Variants in PLCH2 observed in about 807,000 individuals in gnomAD.
The protein encoded by PLCH2 is 1-phosphatidylinositol 4,5-bisphosphate phosphodiesterase eta-2.
PLCH2 carries 98 observed loss-of-function variants against 134.7 expected under a neutral mutation model. The ratio of observed to expected loss-of-function variants is 0.73; its 90% CI spans 0.62 to 0.86. The LOEUF (loss-of-function observed/expected upper bound fraction) is 0.86. Ranked by LOEUF, PLCH2 falls within the 40% of genes least tolerant of loss-of-function variation. The pLI is 0.00. For synonymous variants in PLCH2, 974 were observed against 827.5 expected (o/e 1.18, Z -3.04); for missense variants, 1,994 against 1,986.6 (o/e 1.00, Z -0.07).
intron 1 of PLCH2, among the ~76,000 whole-genome samples, chr1:2,470,749 C>T (rs371637915): frequency 1.3e-5 from 2 of 152,308 alleles, no homozygotes; most frequent in East Asian, 3.9e-4. Flanking sequence ...CCCCTCCCCT[C>T]ACTCGGCAGG....
chr1:2,504,981 C>G lies in PLCH2; in HGVS notation c.4019C>G (p.Ser1340Cys). 6.5e-7 allele frequency: 1 copy of G among 1,548,856 alleles called. No homozygotes were observed. The highest frequency in any genetic ancestry group is 8.7e-7 in the Non-Finnish European group (1 of 1,150,880). ...GGPGFVRRSS[S>C]RSHSRVRAIA... ...CCTGGTTTTGTGCGGCGCTCCTCCT[C>G]CCGCAGCCACAGCCGCGTGCGTGCC... Residue 1340 changes from serine (S) to cysteine (C), a missense_variant, in exon 22 of 22, where the codon TCC becomes TGC. By Grantham distance (112) the Ser-to-Cys change is moderately radical. Around this residue, in one of 2 missense-constraint regions of PLCH2, gnomAD observed 900 missense variants for 752.3 expected, o/e 1.20. Coordinates refer to ENST00000378486, the MANE Select transcript of PLCH2 (RefSeq NM_014638.4).
At chr1:2,425,125 C>T (rs1361323753), upstream of PLCH2, among the ~76,000 whole-genome samples, 11 of 149,066 alleles carry the variant, frequency 7.4e-5, no homozygotes, top group South Asian at 8.5e-4. Flanking sequence ...ATCGCGCCAC[C>T]GCACTCCAGC....
intron 1 of PLCH2, among the ~76,000 whole-genome samples, chr1:2,477,916 C>CA (rs1418170176): frequency 2.6e-5 from 4 of 152,202 alleles, no homozygotes; most frequent in African/African-American, 9.7e-5. Context: ...CAGGAGCCAC[C>CA]TGTGGCCAGG....
At chr1:2,436,042 CT>C (rs1639327223) in intron 2 of PLCH2, among the ~76,000 whole-genome samples, 8 of 105,626 alleles carry the variant, frequency 7.6e-5, no homozygotes, top group Non-Finnish European at 1.0e-4. Context: ...CCCCTCCTCC[CT>C]TCCTCTCTCC....
At chr1:2,480,395 C>T in intron 4 of PLCH2, 83 bp downstream of exon 4, 1 of 1,462,578 alleles carries the variant, frequency 6.8e-7, no homozygotes, top group Non-Finnish European at 9.4e-7. Flanking sequence ...CCTGCCAGCC[C>T]TGACTGAGCT....
intron 16 of PLCH2, chr1:2,497,957 C>G: frequency 3.3e-6 from 1 of 306,328 alleles, no homozygotes; most frequent in Non-Finnish European, 6.1e-6. Flanking sequence ...GTCTCAGGAC[C>G]TGGGTCTGGG....
intron 2 of PLCH2, among the ~76,000 whole-genome samples, chr1:2,431,331 G>A (rs375846965): frequency 2.3e-4 from 9 of 39,808 alleles, no homozygotes; most frequent in African/African-American, 8.6e-4. Context: ...GCCCAAGTGC[G>A]TGTGTGTGTG....
At chr1:2,502,667 C>T (rs936539414) in intron 21 of PLCH2, 3 of 692,184 alleles carry the variant, frequency 4.3e-6, no homozygotes, top group Non-Finnish European at 8.0e-6. Flanking sequence ...CCTGGACCCT[C>T]ACGCTATCCC....
chr1:2,423,747 A>G (rs1434996658), upstream of PLCH2, among the ~76,000 whole-genome samples: 1 of 152,110 alleles, frequency 6.6e-6, no homozygotes, highest in Non-Finnish European at 1.5e-5. Flanking sequence ...TCTCAGATGG[A>G]AATCAACCTT....
rs556130608 is a variant in PLCH2 at position 2,426,826 on chromosome 1, G to A, written c.-178+789G>A. 5.8e-3 allele frequency among the ~76,000 whole-genome samples: 878 copies of A among 152,378 alleles called. 10 individuals are homozygous for A. Among genetic ancestry groups the A allele is most frequent in the African/African-American group, 0.02 (831 of 41,596 alleles). ...GGCCAGCAGGTGGGCGTAGCCAGGC[G>A]GGCTCCAGCAACCCCACCAGCTTGG... On this transcript the variant is annotated intron_variant, in intron 1 of 3. Coordinates refer to the PLCH2 transcript ENST00000609981.
In PLCH2 at chr1:2,496,856, C is replaced by T; in HGVS notation, c.1962C>T (p.Phe654=). 6.2e-7 allele frequency: 1 copy of T among 1,612,570 alleles called. No individual in the cohort carries two copies. The highest frequency in any genetic ancestry group is 1.6e-4 in the Middle Eastern group (1 of 6,062). ...CGTCCAGCTGGCAGGTGTCGTCCTT[C>T]AGCGAGACCAAGGCCCACCAGATTC... ...EAASSWQVSS[F]SETKAHQILQ... Residue 654 remains phenylalanine, a synonymous_variant, in exon 15 of 22, where the codon TTC becomes TTT. Coordinates refer to ENST00000378486, the MANE Select transcript of PLCH2 (RefSeq NM_014638.4).
chr1:2,446,043 G>C (rs12731555), intron 2 of PLCH2, among the ~76,000 whole-genome samples: 480 of 139,624 alleles, frequency 3.4e-3, no homozygotes, highest in Non-Finnish European at 5.8e-3. Context: ...CCGACGGGAG[G>C]GGGGCTGAGG....
At chr1:2,438,736 C>T (rs1041384230) in intron 2 of PLCH2, among the ~76,000 whole-genome samples, 1 of 152,196 alleles carries the variant, frequency 6.6e-6, no homozygotes, top group Non-Finnish European at 1.5e-5. Flanking sequence ...CAAATTTGCT[C>T]GGATCATTCC....
chr1:2,437,125 G>C (rs928535617), intron 2 of PLCH2, among the ~76,000 whole-genome samples: 6 of 152,220 alleles, frequency 3.9e-5, no homozygotes, highest in Non-Finnish European at 7.3e-5. Context: ...TGTTGCCCTG[G>C]GGCCCAGTGG....
chr1:2,485,054 G>C (rs973926751), intron 5 of PLCH2, among the ~76,000 whole-genome samples: 14 of 152,100 alleles, frequency 9.2e-5, no homozygotes, highest in Non-Finnish European at 1.5e-5. Context: ...CCAGCCACAT[G>C]GGTCTGGCTG....
intron 20 of PLCH2, 159 bp downstream of exon 20, chr1:2,499,879 G>A: frequency 1.5e-6 from 1 of 648,184 alleles, no homozygotes. Flanking sequence ...AAGAGGGGCT[G>A]CTGTGGGGGC....
Position 2,503,999 on chromosome 1 carries a change from G to A in PLCH2, c.3037G>A (p.Gly1013Ser), listed in dbSNP as rs772847797. ...LETIAEEPAPGPGPPPPAAVP... is the reference protein window; with the variant it reads ...LETIAEEPAPSPGPPPPAAVP... Reference sequence around the variant, plus strand: ...AACCATCGCTGAGGAGCCCGCCCCAGGCCCTGGTCCCCCGCCACCAGCGGC... The same window carrying A: ...AACCATCGCTGAGGAGCCCGCCCCAAGCCCTGGTCCCCCGCCACCAGCGGC... Residue 1013 changes from glycine (G) to serine (S), a missense_variant, in exon 22 of 22, where the codon GGC (glycine) becomes AGC (serine). By Grantham distance (56) the Gly-to-Ser change is moderately conservative. This residue lies in a region of PLCH2 where 900 missense variants were observed against 752.3 expected (regional missense o/e 1.20). Transcript: ENST00000378486. 2 of 1,515,434 alleles carry A rather than the reference G, an allele frequency of 1.3e-6. No individual in the cohort carries two copies. Among genetic ancestry groups the A allele is most frequent in the South Asian group, 1.2e-5 (1 of 83,298 alleles). 93.9% of individuals were successfully genotyped at this position (1,515,434 alleles called of 1,614,324 possible). A position where few individuals can be genotyped will look rare whatever the true frequency, so the allele number is the denominator to read the frequency against.
At chr1:2,473,134 T>C (rs1057092899), upstream of PLCH2, among the ~76,000 whole-genome samples, 1 of 152,280 alleles carries the variant, frequency 6.6e-6, no homozygotes, top group Non-Finnish European at 1.5e-5. Context: ...CGCGCGCTCT[T>C]CCTCTAATCA....
chr1:2,489,483 T>A, intron 9 of PLCH2, 105 bp downstream of exon 9: 1 of 1,231,628 alleles, frequency 8.1e-7, no homozygotes, highest in South Asian at 1.4e-5. Context: ...CATGGGCATA[T>A]CTAGGGGGCT....
Sources: gnomAD v4.1 joint callset for allele counts (sites outside exome capture counted in the v4.1 genomes callset) on GRCh38, gnomAD v4.1.1 for gene constraint, gnomAD v4.1.1 regional missense constraint, MANE v1.5 for transcripts, NCBI Gene and HGNC (gene_info 2026-07-23, HGNC 2026-07-21) for gene names.